The following GREB1L variants were observed in gnomAD, a reference collection of about 807,000 sequenced individuals.
GREB1L encodes the protein GREB1-like protein.
GREB1L carries 17 observed loss-of-function variants against 200.8 expected under a neutral mutation model. The observed-to-expected ratio is 0.08, with a 90% confidence interval of 0.06 to 0.13. The LOEUF (loss-of-function observed/expected upper bound fraction) is 0.13. GREB1L is among the 10% of genes least tolerant of loss of function. The pLI is 1.00. For missense variants in GREB1L, 1,657 were observed against 2,367.7 expected, an observed-to-expected ratio of 0.70 and a Z score of 6.23; for synonymous variants, 789 against 893.0, an observed-to-expected ratio of 0.88 and a Z score of 2.08.
At chr18:21,470,231 T>G (rs889178964) in intron 15 of GREB1L, among the ~76,000 whole-genome samples, 12 of 151,934 alleles carry the variant, frequency 7.9e-5, no homozygotes, top group Non-Finnish European at 1.6e-4. Context: ...AAGGCCACAG[T>G]GAGATGTGAT....
At chr18:21,506,002 G>A in intron 25 of GREB1L, 53 bp downstream of exon 25, 1 of 1,510,072 alleles carries the variant, frequency 6.6e-7, no homozygotes, top group Non-Finnish European at 8.9e-7. Flanking sequence ...GATTTTGTAT[G>A]TAAGGGTGGG....
chr18:21,352,082 G>C (rs376648059), intron 1 of GREB1L, among the ~76,000 whole-genome samples: 2 of 151,894 alleles, frequency 1.3e-5, no homozygotes, highest in African/African-American at 4.8e-5. Flanking sequence ...TCCTGACCTC[G>C]TGATCCACCT....
At chr18:21,350,059 T>C (rs928493594) in intron 1 of GREB1L, among the ~76,000 whole-genome samples, 1 of 152,148 alleles carries the variant, frequency 6.6e-6, no homozygotes, top group African/African-American at 2.4e-5. Flanking sequence ...ACTTTTTTCC[T>C]ACTTCTAATG....
intron 1 of GREB1L, among the ~76,000 whole-genome samples, chr18:21,266,489 G>T (rs1209171083): frequency 1.3e-5 from 2 of 152,196 alleles, no homozygotes; most frequent in African/African-American, 4.8e-5. Flanking sequence ...GCCTTGGGCT[G>T]CAGGGAGGTA....
chr18:21,472,128 CT>C (rs1340878053), intron 15 of GREB1L, among the ~76,000 whole-genome samples: 2 of 152,204 alleles, frequency 1.3e-5, no homozygotes, highest in Admixed American at 1.3e-4. Context: ...TATGGTAAAA[CT>C]TTTTTTCTGT....
intron 25 of GREB1L, 76 bp downstream of exon 25, chr18:21,506,025 G>GA: frequency 7.2e-7 from 1 of 1,383,938 alleles, no homozygotes; most frequent in East Asian, 2.5e-5. Flanking sequence ...GTGGAGGGAT[G>GA]AAAAATAAGG....
intron 22 of GREB1L, 45 bp downstream of exon 22, chr18:21,500,351 G>A (rs1362260440): frequency 1.1e-5 from 10 of 909,742 alleles, no homozygotes; most frequent in Admixed American, 4.3e-5. Context: ...TGGGGTTGGC[G>A]CGTCTTCCTC....
intron 17 of GREB1L, among the ~76,000 whole-genome samples, chr18:21,481,177 CCGT>C (rs1434003985): frequency 3.3e-5 from 5 of 151,712 alleles, no homozygotes; most frequent in Non-Finnish European, 5.9e-5. Context: ...AGAGGAAGCT[CCGT>C]GGAAAAGAGA....
chr18:21,385,220 T>G (rs2040489691), intron 4 of GREB1L, among the ~76,000 whole-genome samples: 1 of 152,088 alleles, frequency 6.6e-6, no homozygotes, highest in Admixed American at 6.6e-5. Flanking sequence ...GCATGAAAAT[T>G]TTGGAGTGGG....
intron 1 of GREB1L, among the ~76,000 whole-genome samples, chr18:21,277,484 T>C (rs1178838513): frequency 2.0e-5 from 3 of 152,178 alleles, no homozygotes; most frequent in Non-Finnish European, 4.4e-5. Context: ...CTCAGCTGCT[T>C]TGCATGCTCT....
rs546587459 is a variant in GREB1L, at chr18:21,477,160, A to G, written c.2364-4A>G. ...TATTAATATGACTTTCAATTTTTCT[A>G]CAGTGTCATTTCAGGCTCTTTGTCA... On this transcript the variant is annotated splice_region_variant and splice_polypyrimidine_tract_variant and intron_variant, in intron 16 of 32. Transcript: ENST00000424526. 21 of 1,546,090 alleles carry G rather than the reference A, an allele frequency of 1.4e-5. No homozygotes were observed. In the South Asian group the frequency reaches 2.2e-4, roughly 16 times the overall value.
chr18:21,351,714 G>C (rs117743761), intron 1 of GREB1L, among the ~76,000 whole-genome samples: 1 of 152,164 alleles, frequency 6.6e-6, no homozygotes, highest in Non-Finnish European at 1.5e-5. Flanking sequence ...GTAAGATAAC[G>C]AAAGTTTTCA....
At chr18:21,521,471 G>T (rs1390883483) in intron 32 of GREB1L, among the ~76,000 whole-genome samples, 1 of 152,060 alleles carries the variant, frequency 6.6e-6, no homozygotes, top group Non-Finnish European at 1.5e-5. Flanking sequence ...AGAAAGTGAG[G>T]TTCAGAACGC....
At chr18:21,348,387 C>T (rs1000207307) in intron 1 of GREB1L, among the ~76,000 whole-genome samples, 2 of 151,978 alleles carry the variant, frequency 1.3e-5, no homozygotes, top group African/African-American at 4.8e-5. Context: ...GCCAGTAATC[C>T]CAGCACTCTA....
chr18:21,512,906 T>G (rs991484233), intron 27 of GREB1L, among the ~76,000 whole-genome samples: 15 of 152,220 alleles, frequency 9.9e-5, no homozygotes, highest in Non-Finnish European at 1.9e-4. Flanking sequence ...TCACACTGCT[T>G]CTGGTTCTTC....
rs1040306878 is a variant in GREB1L, at chr18:21,524,954, A to ATGTT, written c.*2134_*2137dup. ...CTTATCATCAGTATAATTCTTGAGT[A>ATGTT]TGTTAGGTCCTTCTTTAAGGATAAA... On this transcript the variant is annotated 3_prime_UTR_variant, in exon 33 of 33. Coordinates refer to ENST00000424526, the MANE Select transcript of GREB1L (RefSeq NM_001142966.3). 3 of 151,202 alleles carry ATGTT rather than the reference A, an allele frequency of 2.0e-5. No individual in the cohort carries two copies. The highest frequency in any genetic ancestry group is 4.8e-5 in the African/African-American group (2 of 41,290). 9.4% of individuals were successfully genotyped at this position (151,202 alleles called of 1,614,324 possible). A position where few individuals can be genotyped will look rare whatever the true frequency, so the allele number is the denominator to read the frequency against.
intron 10 of GREB1L, among the ~76,000 whole-genome samples, chr18:21,443,970 T>G (rs758802237): frequency 2.0e-5 from 3 of 152,250 alleles, no homozygotes; most frequent in Non-Finnish European, 4.4e-5. Flanking sequence ...AGTCCACGGT[T>G]GATTGAACGT....
At chr18:21,460,932 A>G (rs1411675618) in intron 15 of GREB1L, among the ~76,000 whole-genome samples, 6 of 151,668 alleles carry the variant, frequency 4.0e-5, no homozygotes, top group Non-Finnish European at 8.8e-5. Flanking sequence ...CCCTGTCTCT[A>G]TTAAAAACAC....
At chr18:21,384,159 A>G (rs2040439155) in intron 3 of GREB1L, 47 bp from the exon 4 acceptor site, 4 of 1,269,006 alleles carry the variant, frequency 3.2e-6, no homozygotes, top group Non-Finnish European at 4.4e-6. Flanking sequence ...GCATTTTTCC[A>G]TAAGCATCTT....
Sources: gnomAD v4.1 joint callset for allele counts (sites outside exome capture counted in the v4.1 genomes callset) on GRCh38, gnomAD v4.1.1 for gene constraint, MANE v1.5 for transcripts, NCBI Gene and HGNC (gene_info 2026-07-23, HGNC 2026-07-21) for gene names.